DMD: variants seen among roughly 807,000 people sequenced by gnomAD.
DMD encodes the protein mutant dystrophin.
In DMD, 63 loss-of-function variants were observed where a neutral mutation model predicts 330.1. That is an observed-to-expected ratio of 0.19 (90% CI 0.16 to 0.24). The LOEUF is 0.24. Ranked by LOEUF, DMD falls within the 10% of genes least tolerant of loss-of-function variation. The probability of loss-of-function intolerance (pLI) is 1.00; values close to 1 mark genes in which losing one functional copy is unlikely to be tolerated. For missense variants in DMD, 3,344 were observed against 2,684.1 expected (o/e 1.25, Z -5.43); for synonymous variants, 1,223 against 959.8 (o/e 1.27, Z -5.07).
chrX:32,178,830 G>GTGTGTGTGTGTGTGTGTGTGTGTGT (rs1569549001), intron 44 of DMD, among the ~76,000 whole-genome samples: 1 of 99,176 alleles, frequency 1.0e-5, no homozygotes, highest in African/African-American at 3.8e-5. Flanking sequence ...TATTCCAGGG[G>GTGTGTGTGTGTGTGTGTGTGTGTGT]GTGTGTGTGT....
chrX:32,699,400 G>C (rs767395851), intron 7 of DMD, 107 bp from the exon 8 acceptor site: 4 of 656,165 alleles, frequency 6.1e-6, no homozygotes, highest in Non-Finnish European at 9.8e-6. Context: ...TTAATGAACA[G>C]TGAATTGTCC....
chrX:31,373,473 CAT>C (rs2059712221), intron 60 of DMD, among the ~76,000 whole-genome samples: 1 of 102,033 alleles, frequency 9.8e-6, no homozygotes, highest in African/African-American at 3.5e-5. Context: ...AAAACAGAGA[CAT>C]AGATCAATGG....
chrX:33,180,406 A>G (rs1339952282), intron 1 of DMD, among the ~76,000 whole-genome samples: 1 of 111,837 alleles, frequency 8.9e-6, no homozygotes, highest in Non-Finnish European at 1.9e-5. Flanking sequence ...CAATACTTGT[A>G]TACTTTTGAG....
intron 2 of DMD, among the ~76,000 whole-genome samples, chrX:32,987,883 A>G (rs759685824): frequency 2.1e-4 from 23 of 110,065 alleles, no homozygotes; most frequent in African/African-American, 6.9e-4. Flanking sequence ...AATATCTAGT[A>G]TATATCAGCC....
chrX:33,323,309 G>A (rs192309663), intron 1 of DMD, among the ~76,000 whole-genome samples: 3 of 112,067 alleles, frequency 2.7e-5, no homozygotes, highest in Admixed American at 1.9e-4. Flanking sequence ...GTTGTACTCA[G>A]TCTTGCTTAA....
At chrX:31,426,316 A>T (rs1160509480) in intron 60 of DMD, among the ~76,000 whole-genome samples, 1 of 111,989 alleles carries the variant, frequency 8.9e-6, no homozygotes, top group Non-Finnish European at 1.9e-5. Context: ...AACCTTGGGA[A>T]AGACAAACTT....
At chrX:33,057,532 C>G (rs1026930059) in intron 1 of DMD, among the ~76,000 whole-genome samples, 1 of 111,979 alleles carries the variant, frequency 8.9e-6, no homozygotes, top group Non-Finnish European at 1.9e-5. Context: ...GGAGATTCTA[C>G]GCATGCATAG....
chrX:32,268,249 C>T (rs955661175), intron 43 of DMD, among the ~76,000 whole-genome samples: 2 of 111,244 alleles, frequency 1.8e-5, no homozygotes, highest in African/African-American at 6.6e-5. Context: ...GTCCTACAGC[C>T]GGAAACTGCA....
chrX:32,675,025 C>A (rs111643895), intron 9 of DMD, among the ~76,000 whole-genome samples: 30 of 111,528 alleles, frequency 2.7e-4, no homozygotes, highest in African/African-American at 8.8e-4. Context: ...GTACTTATAT[C>A]ATCTTCAGTG....
intron 41 of DMD, among the ~76,000 whole-genome samples, chrX:32,328,009 T>C (rs1480454538): frequency 1.8e-5 from 2 of 111,799 alleles, no homozygotes; most frequent in Non-Finnish European, 3.8e-5. Flanking sequence ...AATTATTTCT[T>C]AAATAATAAT....
intron 1 of DMD, among the ~76,000 whole-genome samples, chrX:33,168,812 G>A (rs902862784): frequency 3.6e-5 from 4 of 110,150 alleles, no homozygotes; most frequent in Non-Finnish European, 7.6e-5. Flanking sequence ...AAGAGAAGGC[G>A]TAAAGGATAC....
At chrX:32,935,103 C>T (rs771681933) in intron 2 of DMD, among the ~76,000 whole-genome samples, 6 of 112,270 alleles carry the variant, frequency 5.3e-5, no homozygotes, top group East Asian at 5.7e-4. Context: ...CTCAGCCTCC[C>T]GAGTAGCTGG....
intron 9 of DMD, among the ~76,000 whole-genome samples, chrX:32,662,806 T>C (rs1670789483): frequency 8.9e-6 from 1 of 111,935 alleles, no homozygotes; most frequent in African/African-American, 3.2e-5. Flanking sequence ...GTCAGCAGCA[T>C]ATACAGAACA....
At chrX:31,515,409 C>A (rs1247026998) in intron 55 of DMD, among the ~76,000 whole-genome samples, 1 of 111,447 alleles carries the variant, frequency 9.0e-6, no homozygotes, top group African/African-American at 3.2e-5. Context: ...CAATAAGTGA[C>A]CAAATCTCCT....
At chrX:32,509,177 T>C (rs1603635128) in intron 18 of DMD, among the ~76,000 whole-genome samples, 1 of 66,584 alleles carries the variant, frequency 1.5e-5, no homozygotes, top group African/African-American at 6.7e-5. Flanking sequence ...AATAACCACA[T>C]ATAAAAAGTG....
intron 55 of DMD, among the ~76,000 whole-genome samples, chrX:31,592,979 T>G (rs1185672962): frequency 1.8e-5 from 2 of 111,396 alleles, no homozygotes; most frequent in East Asian, 5.6e-4. Flanking sequence ...CACTTTTAGC[T>G]ATGAAGAGAG....
chrX:31,408,942 A>C (rs1221633538), intron 60 of DMD, among the ~76,000 whole-genome samples: 1 of 109,454 alleles, frequency 9.1e-6, no homozygotes, highest in African/African-American at 3.3e-5. Context: ...CCACTCCCCC[A>C]ACCCCAAAAC....
intron 44 of DMD, among the ~76,000 whole-genome samples, chrX:32,033,039 T>C (rs1464070845): frequency 8.9e-6 from 1 of 112,467 alleles, no homozygotes; most frequent in Non-Finnish European, 1.9e-5. Context: ...CACAATGGAA[T>C]ACTATTCAGC....
chrX:33,048,853 A>AG (rs1390358723), intron 1 of DMD, among the ~76,000 whole-genome samples: 1 of 110,976 alleles, frequency 9.0e-6, no homozygotes, highest in African/African-American at 3.3e-5. Context: ...CAGAGCTTGA[A>AG]GGGCAGAATG....
Sources: gnomAD v4.1 joint callset for allele counts (sites outside exome capture counted in the v4.1 genomes callset) on GRCh38, gnomAD v4.1.1 for gene constraint, MANE v1.5 for transcripts, NCBI Gene and HGNC (gene_info 2026-07-23, HGNC 2026-07-21) for gene names.